SYNE1: variants seen among roughly 807,000 people sequenced by gnomAD.
The protein encoded by SYNE1 is spectrin repeat containing nuclear envelope protein 1.
SYNE1 carries 616 observed loss-of-function variants against 1,111.0 expected under a neutral mutation model. The ratio of observed to expected loss-of-function variants is 0.55; its 90% CI spans 0.52 to 0.59. The LOEUF is 0.59. Ranked by LOEUF, SYNE1 falls within the 20% of genes least tolerant of loss-of-function variation. SYNE1 has a pLI of 0.00. For missense variants in SYNE1, 10,006 were observed against 10,417.0 expected, an observed-to-expected ratio of 0.96 and a Z score of 1.72; for synonymous variants, 3,855 against 3,825.8, an observed-to-expected ratio of 1.01 and a Z score of -0.28.
At chr6:152,245,962 C>A (rs1056215419) in intron 105 of SYNE1, among the ~76,000 whole-genome samples, 9 of 152,134 alleles carry the variant, frequency 5.9e-5, no homozygotes, top group Non-Finnish European at 1.3e-4. Flanking sequence ...ACTGGATGCT[C>A]CCTGCATGCT....
At chr6:152,302,296 A>G in intron 91 of SYNE1, 2 of 608,168 alleles carry the variant, frequency 3.3e-6, no homozygotes, top group Non-Finnish European at 5.8e-6. Context: ...CCGCGTCGGT[A>G]CAAAAGGAGA....
chr6:152,166,162 C>T (rs2063614331), intron 130 of SYNE1, among the ~76,000 whole-genome samples: 1 of 152,030 alleles, frequency 6.6e-6, no homozygotes, highest in Non-Finnish European at 1.5e-5. Flanking sequence ...TATTTTAGTT[C>T]CCTGGTATTA....
chr6:152,328,588 A>G (rs1327093256), intron 78 of SYNE1, among the ~76,000 whole-genome samples: 3 of 145,740 alleles, frequency 2.1e-5, no homozygotes, highest in African/African-American at 5.0e-5. Flanking sequence ...TTTTTTTTGT[A>G]TTTAGTAGAG....
intron 128 of SYNE1, among the ~76,000 whole-genome samples, chr6:152,184,669 TAG>T (rs1379667521): frequency 2.0e-5 from 3 of 151,236 alleles, no homozygotes; most frequent in Admixed American, 2.0e-4. Flanking sequence ...GATAGATAGA[TAG>T]ATAGATAAAA....
chr6:152,404,221 C>G lies in SYNE1; in HGVS notation c.6817G>C (p.Asp2273His). 2 of 1,612,446 alleles carry G rather than the reference C, an allele frequency of 1.2e-6. No homozygotes were observed. The highest frequency in any genetic ancestry group is 1.7e-5 in the Admixed American group (1 of 59,954). Reference sequence around the variant, plus strand: ...TATTACAAAATGCTTACCTGAAGGTCTGGCGGTGTTTCTAGATTTTTAGTT... The same window carrying G: ...TATTACAAAATGCTTACCTGAAGGTGTGGCGGTGTTTCTAGATTTTTAGTT... ...ELTKNLETPP[D>H]LQFIEADLMQ... is the part of the protein sequence containing the mutation. The change falls in exon 46 of 146, where the codon GAC (aspartate) becomes CAC (histidine). Residue 2273 changes from aspartate to histidine, a missense_variant. Asp to His is a moderately conservative substitution (Grantham distance 81, BLOSUM62 -1). This residue lies in a region of SYNE1 where 4,955 missense variants were observed against 5,017.2 expected (regional missense o/e 0.99). Coordinates refer to ENST00000367255, the MANE Select transcript of SYNE1 (RefSeq NM_182961.4).
At chr6:152,563,086 A>G (rs2099400249) in intron 3 of SYNE1, among the ~76,000 whole-genome samples, 1 of 152,138 alleles carries the variant, frequency 6.6e-6, no homozygotes, top group Non-Finnish European at 1.5e-5. Flanking sequence ...AGAAAGAGAA[A>G]GAGACGGAGA....
chr6:152,582,756 T>G (rs1235482160), intron 3 of SYNE1, among the ~76,000 whole-genome samples: 1 of 151,968 alleles, frequency 6.6e-6, no homozygotes, highest in South Asian at 2.1e-4. Flanking sequence ...TTTTTTGGAG[T>G]TTTCAGTGTC....
At chr6:152,522,405 C>T (rs572659294) in intron 5 of SYNE1, among the ~76,000 whole-genome samples, 1 of 152,192 alleles carries the variant, frequency 6.6e-6, no homozygotes, top group South Asian at 2.1e-4. Flanking sequence ...TTTTTTATGA[C>T]TGAGTAGTAT....
intron 35 of SYNE1, 126 bp from the exon 36 acceptor site, chr6:152,430,336 T>C: frequency 8.9e-7 from 1 of 1,123,560 alleles, no homozygotes; most frequent in Non-Finnish European, 1.3e-6. Context: ...ATAAAATGCA[T>C]TCTTTAAACA....
chr6:152,500,435 C>T (rs1046570423), intron 10 of SYNE1, among the ~76,000 whole-genome samples: 2 of 152,284 alleles, frequency 1.3e-5, no homozygotes, highest in African/African-American at 2.4e-5. Context: ...TGGCAAGGAA[C>T]AAAAGAGGTT....
intron 100 of SYNE1, among the ~76,000 whole-genome samples, chr6:152,262,950 G>C (rs1449040117): frequency 6.6e-6 from 1 of 151,498 alleles, no homozygotes; most frequent in East Asian, 2.0e-4. Context: ...GATAGTACAG[G>C]GCCTGGGAAG....
At chr6:152,176,616 C>G in intron 129 of SYNE1, 56 bp from the exon 130 acceptor site, 1 of 1,525,570 alleles carries the variant, frequency 6.6e-7, no homozygotes, top group Middle Eastern at 1.8e-4. Flanking sequence ...ATACATCCAG[C>G]CCAGCTCTAC....
At chr6:152,384,301 A>T (rs1294367958) in intron 55 of SYNE1, among the ~76,000 whole-genome samples, 1 of 152,158 alleles carries the variant, frequency 6.6e-6, no homozygotes, top group Non-Finnish European at 1.5e-5. Flanking sequence ...CATTTTTTGT[A>T]TTATTTTATA....
intron 82 of SYNE1, among the ~76,000 whole-genome samples, chr6:152,322,186 C>T (rs1281495294): frequency 6.6e-6 from 1 of 152,042 alleles, no homozygotes; most frequent in Non-Finnish European, 1.5e-5. Context: ...TTGGAAATCT[C>T]CTAAAATGGT....
At chr6:152,548,403 A>C (rs1364376178) in intron 3 of SYNE1, among the ~76,000 whole-genome samples, 1 of 152,218 alleles carries the variant, frequency 6.6e-6, no homozygotes, top group Non-Finnish European at 1.5e-5. Flanking sequence ...GGATTTCAGA[A>C]TGGCTGGACC....
chr6:152,282,058 C>T (rs1406622987), intron 96 of SYNE1, 78 bp from the exon 97 acceptor site: 3 of 1,464,940 alleles, frequency 2.0e-6, no homozygotes, highest in African/African-American at 2.8e-5. Context: ...AGCAATGGTT[C>T]CAGGCCCTGG....
Position 152,501,208 on chromosome 6 carries a change from C to G in SYNE1, c.888+1425G>C, listed in dbSNP as rs566549395. Among the ~76,000 whole-genome samples, 57 of 152,088 alleles carry G rather than the reference C, an allele frequency of 3.7e-4. No individual in the cohort carries two copies. In the South Asian group the frequency reaches 1.0e-2, roughly 27 times the overall value. Reference sequence around the variant, plus strand: ...TTAAAATTCCGCAGTGAATCCACCTCTCTATGTAATTAAAAATAGAATACA... The same window carrying G: ...TTAAAATTCCGCAGTGAATCCACCTGTCTATGTAATTAAAAATAGAATACA... On this transcript the variant is annotated intron_variant, in intron 10 of 145. Coordinates refer to ENST00000367255, the MANE Select transcript of SYNE1 (RefSeq NM_182961.4).
intron 13 of SYNE1, among the ~76,000 whole-genome samples, chr6:152,483,724 C>G (rs998114753): frequency 6.6e-6 from 1 of 152,030 alleles, no homozygotes; most frequent in Non-Finnish European, 1.5e-5. Context: ...CAGCTCTGGA[C>G]AAAGATGGGT....
intron 14 of SYNE1, among the ~76,000 whole-genome samples, chr6:152,476,613 C>A (rs564207474): frequency 2.0e-5 from 3 of 152,208 alleles, no homozygotes; most frequent in East Asian, 3.9e-4. Flanking sequence ...GCAGCTTATG[C>A]GTGTAATTCC....
Sources: allele counts gnomAD v4.1 joint callset (sites outside exome capture counted in the v4.1 genomes callset), GRCh38; gene constraint gnomAD v4.1.1; regional missense constraint gnomAD v4.1.1; transcripts MANE v1.5; gene names NCBI Gene and HGNC (gene_info 2026-07-23, HGNC 2026-07-21).